Variants in GRID1 observed in about 807,000 individuals in gnomAD.
The protein encoded by GRID1 is glutamate receptor ionotropic, delta-1.
Under a neutral mutation model 98.0 loss-of-function variants are expected in GRID1, and 28 were observed. The observed-to-expected ratio is 0.29, with a 90% confidence interval of 0.21 to 0.39. The LOEUF (loss-of-function observed/expected upper bound fraction) is 0.39, where lower values mean the gene tolerates loss of function less well. Among genes scored for constraint, GRID1 ranks in the 10% least tolerant of loss-of-function variants. The pLI is 1.00. For synonymous variants in GRID1, 553 were observed against 538.5 expected (o/e 1.03, Z -0.37); for missense variants, 1,111 against 1,340.5 (o/e 0.83, Z 2.67).
intron 8 of GRID1, among the ~76,000 whole-genome samples, chr10:85,784,438 T>G (rs74741024): frequency 6.6e-6 from 1 of 152,160 alleles, no homozygotes; most frequent in African/African-American, 2.4e-5. Flanking sequence ...GGGACAGAAC[T>G]AGAGTCTGTC....
chr10:86,160,813 CAG>C lies in GRID1; in HGVS notation c.521-21791_521-21790del, dbSNP rs375947872. Among the ~76,000 whole-genome samples, 110 of 152,340 alleles carry C rather than the reference CAG, an allele frequency of 7.2e-4. 1 individual carries two copies. In the East Asian group the frequency reaches 0.011, roughly 16 times the overall value. ...GTGAAGTGACTTGCTCAGGGTCACA[CAG>C]GGTATAAGCGGTAAAGCAGGGAATG... On this transcript the variant is annotated intron_variant, in intron 3 of 15. Transcript: ENST00000327946.
intron 4 of GRID1, among the ~76,000 whole-genome samples, chr10:86,019,753 G>T (rs2131886214): frequency 6.6e-6 from 1 of 152,346 alleles, no homozygotes; most frequent in Non-Finnish European, 1.5e-5. Context: ...CAGAGGTCTG[G>T]CTCCAAGCCA....
chr10:86,309,973 G>C (rs1335963123), intron 2 of GRID1, among the ~76,000 whole-genome samples: 1 of 152,112 alleles, frequency 6.6e-6, no homozygotes, highest in Non-Finnish European at 1.5e-5. Context: ...AGAACTCACA[G>C]CTTCAAGCCC....
chr10:85,650,781 T>C (rs1843258062), intron 12 of GRID1, among the ~76,000 whole-genome samples: 3 of 152,150 alleles, frequency 2.0e-5, no homozygotes, highest in African/African-American at 2.4e-5. Context: ...AGAGAAGATA[T>C]TACCTGAGAA....
chr10:85,942,014 T>C (rs906804091), intron 4 of GRID1, among the ~76,000 whole-genome samples: 6 of 152,194 alleles, frequency 3.9e-5, no homozygotes, highest in African/African-American at 1.4e-4. Flanking sequence ...CATGCTAGCT[T>C]GAACCTAGAT....
At chr10:86,164,610 T>A (rs1212742356) in intron 3 of GRID1, among the ~76,000 whole-genome samples, 3 of 152,138 alleles carry the variant, frequency 2.0e-5, no homozygotes, top group African/African-American at 7.2e-5. Flanking sequence ...AAGGACAAAG[T>A]CTAACTTCAT....
intron 2 of GRID1, among the ~76,000 whole-genome samples, chr10:86,311,051 G>C (rs1324984729): frequency 1.3e-5 from 2 of 152,090 alleles, no homozygotes; most frequent in Non-Finnish European, 2.9e-5. Flanking sequence ...GTGAGGACAA[G>C]GAGAAAGGAG....
intron 12 of GRID1, among the ~76,000 whole-genome samples, chr10:85,663,184 C>T (rs1840984954): frequency 6.6e-6 from 1 of 152,162 alleles, no homozygotes; most frequent in Non-Finnish European, 1.5e-5. Flanking sequence ...TTTGATCTCA[C>T]TTGGGGAGTC....
chr10:85,809,290 G>A (rs1184815569), intron 8 of GRID1, among the ~76,000 whole-genome samples: 5 of 152,108 alleles, frequency 3.3e-5, no homozygotes, highest in South Asian at 2.1e-4. Flanking sequence ...CTCAAAAGAA[G>A]AGAAAGTATC....
chr10:85,886,655 C>T (rs953385800), intron 5 of GRID1, among the ~76,000 whole-genome samples: 1 of 152,154 alleles, frequency 6.6e-6, no homozygotes, highest in East Asian at 1.9e-4. Flanking sequence ...GCAAAGGTCT[C>T]ACTTCAAGCC....
intron 2 of GRID1, among the ~76,000 whole-genome samples, chr10:86,221,187 G>A (rs573064875): frequency 2.6e-5 from 4 of 152,206 alleles, no homozygotes. Context: ...GATGAGAGGG[G>A]CTCTTTGCCA....
intron 2 of GRID1, among the ~76,000 whole-genome samples, chr10:86,319,370 C>G (rs1847938728): frequency 6.6e-6 from 1 of 152,200 alleles, no homozygotes; most frequent in Non-Finnish European, 1.5e-5. Context: ...CTGGCCACAA[C>G]CTAGGGGTGT....
At chr10:85,715,016 A>C (rs1841623098) in intron 12 of GRID1, among the ~76,000 whole-genome samples, 1 of 152,206 alleles carries the variant, frequency 6.6e-6, no homozygotes, top group Non-Finnish European at 1.5e-5. Flanking sequence ...TAATTAAAAC[A>C]ATATAGTATT....
chr10:86,212,495 C>T (rs1846120587), intron 2 of GRID1, among the ~76,000 whole-genome samples: 1 of 152,240 alleles, frequency 6.6e-6, no homozygotes, highest in Non-Finnish European at 1.5e-5. Context: ...TCTCCACGGG[C>T]AGCAGAAAAA....
chr10:86,078,092 T>G (rs1003907093), intron 4 of GRID1, among the ~76,000 whole-genome samples: 2 of 152,248 alleles, frequency 1.3e-5, no homozygotes, highest in African/African-American at 4.8e-5. Context: ...CCGGCACTCA[T>G]GCCTCCCTTG....
intron 4 of GRID1, among the ~76,000 whole-genome samples, chr10:85,997,960 T>C (rs1179182093): frequency 1.3e-5 from 2 of 152,176 alleles, no homozygotes; most frequent in African/African-American, 4.8e-5. Context: ...CAAAGAAGAT[T>C]ATAATGCATA....
At chr10:85,940,508 A>T (rs1359462996) in intron 4 of GRID1, among the ~76,000 whole-genome samples, 2 of 152,198 alleles carry the variant, frequency 1.3e-5, no homozygotes, top group African/African-American at 4.8e-5. Flanking sequence ...TGGCTTCTGA[A>T]AAAGAAATTG....
At chr10:85,621,263 G>C (rs1484197160) in intron 13 of GRID1, among the ~76,000 whole-genome samples, 4 of 152,078 alleles carry the variant, frequency 2.6e-5, no homozygotes, top group African/African-American at 4.8e-5. Context: ...AGATGATGGG[G>C]GCCTCATTAT....
intron 13 of GRID1, among the ~76,000 whole-genome samples, chr10:85,639,400 C>A (rs1254614977): frequency 6.6e-6 from 1 of 152,086 alleles, no homozygotes; most frequent in Admixed American, 6.5e-5. Flanking sequence ...AATCTGCAAG[C>A]GGTTGTCTCT....
Sources: allele counts gnomAD v4.1 joint callset (sites outside exome capture counted in the v4.1 genomes callset), GRCh38; gene constraint gnomAD v4.1.1; transcripts MANE v1.5; gene names NCBI Gene and HGNC (gene_info 2026-07-23, HGNC 2026-07-21).